Variants in GAK observed in about 807,000 individuals in gnomAD.
GAK encodes cyclin-G-associated kinase.
A neutral mutation model predicts 143.9 loss-of-function variants in GAK; 79 were observed. The ratio of observed to expected loss-of-function variants is 0.55; its 90% CI spans 0.46 to 0.66. GAK has a LOEUF of 0.66. Among genes scored for constraint, GAK ranks in the 30% least tolerant of loss-of-function variants. The pLI, the probability that GAK is intolerant of heterozygous loss-of-function variation, is 0.00. For missense variants in GAK, 1,693 were observed against 1,779.7 expected (o/e 0.95, Z 0.88); for synonymous variants, 881 against 765.5 (o/e 1.15, Z -2.49).
chr4:866,592 C>T (rs1333133113), intron 21 of GAK, 58 bp from the exon 22 acceptor site: 1 of 1,568,506 alleles, frequency 6.4e-7, no homozygotes, highest in Non-Finnish European at 8.7e-7. Flanking sequence ...GACAAAGGAG[C>T]CCAGCTCTGG....
intron 4 of GAK, among the ~76,000 whole-genome samples, chr4:905,382 T>C (rs1720870687): frequency 6.6e-6 from 1 of 152,196 alleles, no homozygotes; most frequent in African/African-American, 2.4e-5. Context: ...ATCATCACCG[T>C]GGAGCAATCA....
chr4:879,301 C>T (rs1184159128), intron 15 of GAK, among the ~76,000 whole-genome samples: 1 of 152,236 alleles, frequency 6.6e-6, no homozygotes, highest in Non-Finnish European at 1.5e-5. Flanking sequence ...ATGGCAATGC[C>T]TGTCTTTTAA....
intron 11 of GAK, chr4:884,427 G>A (rs1016748142): frequency 1.1e-4 from 30 of 284,592 alleles, no homozygotes; most frequent in Non-Finnish European, 1.5e-4. Context: ...TGGCAACACC[G>A]GTGGAAGGGG....
At chr4:903,285 C>T (rs1161455759) in intron 5 of GAK, among the ~76,000 whole-genome samples, 3 of 152,166 alleles carry the variant, frequency 2.0e-5, no homozygotes, top group Non-Finnish European at 2.9e-5. Context: ...CGGGATGCCA[C>T]GCCTCGGAGA....
At chr4:889,153 C>G (rs1056345519) in intron 10 of GAK, among the ~76,000 whole-genome samples, 183 bp from the exon 11 acceptor site, 11 of 152,006 alleles carry the variant, frequency 7.2e-5, no homozygotes, top group Non-Finnish European at 1.3e-4. Flanking sequence ...GGTGGTATGG[C>G]CAGGCCCCTG....
chr4:867,484 AGGGTCCCC>A, intron 20 of GAK, 52 bp from the exon 21 acceptor site: 1 of 1,391,008 alleles, frequency 7.2e-7, no homozygotes, highest in African/African-American at 1.5e-5. Flanking sequence ...GGCCAGCACC[AGGGTCCCC>A]ACGGCGCGTC....
At chr4:876,270 G>C (rs1189410584) in intron 18 of GAK, among the ~76,000 whole-genome samples, 1 of 149,506 alleles carries the variant, frequency 6.7e-6, no homozygotes, top group African/African-American at 2.5e-5. Flanking sequence ...CCGCTCACCT[G>C]CTTACGCCAC....
At chr4:882,061 T>C (rs1332841687) in intron 14 of GAK, 21 bp from the exon 15 acceptor site, 1 of 1,584,296 alleles carries the variant, frequency 6.3e-7, no homozygotes, top group Non-Finnish European at 8.6e-7. Flanking sequence ...CAGACACGTC[T>C]CGCGTGCGCC....
In GAK at chr4:910,934, C is replaced by T. The variant is rs1489006582; in HGVS notation, c.382+739G>A. 2.6e-5 allele frequency among the ~76,000 whole-genome samples: 4 copies of T among 152,160 alleles called. No homozygotes were observed. In the East Asian group the frequency reaches 7.7e-4, roughly 29 times the overall value. ...AGGCACAGGTCTTGTTTCCCCTTTG[C>T]AGACACAGCCTGAGGCTCAGCAGGG... is the stretch of plus-strand genomic sequence containing the variant. On this transcript the variant is annotated intron_variant, in intron 4 of 27. Coordinates refer to ENST00000314167, the MANE Select transcript of GAK (RefSeq NM_005255.4).
chr4:865,335 A>G (rs1235871055), intron 22 of GAK, 91 bp from the exon 23 acceptor site: 3 of 1,532,230 alleles, frequency 2.0e-6, no homozygotes, highest in Non-Finnish European at 2.7e-6. Context: ...GGGCCCTAGG[A>G]GCGGACACCT....
intron 10 of GAK, 34 bp downstream of exon 10, chr4:890,498 G>C: frequency 6.5e-7 from 1 of 1,527,444 alleles, no homozygotes; most frequent in East Asian, 2.4e-5. Context: ...GCAGGAGCGA[G>C]GGACAGGTGG....
chr4:902,596 C>CAAAAAAAAAAAAAAAAAAAAAA (rs768017849), intron 5 of GAK, among the ~76,000 whole-genome samples: 5 of 60,722 alleles, frequency 8.2e-5, no homozygotes, highest in African/African-American at 3.3e-4. Flanking sequence ...GTGACTGACT[C>CAAAAAAAAAAAAAAAAAAAAAA]AAAAAAAAAA....
rs775532786 is a variant in GAK at position 911,814 on chromosome 4, G to A, written c.268-27C>T. Reference sequence around the variant, plus strand: ...TGCAGTTGTCTTGTTAAAGGAGAACGTACATAACCATGTCCACAGTTCTGT... The same window carrying A: ...TGCAGTTGTCTTGTTAAAGGAGAACATACATAACCATGTCCACAGTTCTGT... On this transcript the variant is annotated intron_variant, in intron 3 of 27. Transcript: ENST00000314167. 2.5e-5 allele frequency: 38 copies of A among 1,531,716 alleles called. 1 individual carries two copies. Among genetic ancestry groups the A allele is most frequent in the South Asian group, 2.5e-4 (22 of 89,384 alleles). The allele number at this position is 1,531,716 out of a possible 1,614,324, so 94.9% of individuals were successfully genotyped here.
At chr4:882,186 T>C (rs920596632) in intron 14 of GAK, 146 bp from the exon 15 acceptor site, 50 of 919,828 alleles carry the variant, frequency 5.4e-5, no homozygotes, top group Non-Finnish European at 7.5e-5. Context: ...GGGAGCTACA[T>C]AACGTGCCTG....
chr4:883,071 G>A (rs1440482904), intron 13 of GAK, among the ~76,000 whole-genome samples: 2 of 152,208 alleles, frequency 1.3e-5, no homozygotes, highest in African/African-American at 2.4e-5. Context: ...CCTCGGCCTC[G>A]AGCACCCTCT....
chr4:884,186 C>T (rs558387009), intron 11 of GAK, 100 bp from the exon 12 acceptor site: 18 of 1,045,190 alleles, frequency 1.7e-5, no homozygotes, highest in Middle Eastern at 2.1e-4. Flanking sequence ...AGCCGTGGGG[C>T]TCTCACTGTA....
intron 23 of GAK, among the ~76,000 whole-genome samples, chr4:862,099 C>G (rs999795821): frequency 7.2e-6 from 1 of 138,274 alleles, no homozygotes; most frequent in Non-Finnish European, 1.6e-5. Context: ...TCCATGCAGA[C>G]GAGACGGCCT....
chr4:899,207 G>C (rs1268506789), intron 5 of GAK, among the ~76,000 whole-genome samples: 1 of 152,220 alleles, frequency 6.6e-6, no homozygotes, highest in East Asian at 1.9e-4. Context: ...CCAACATTTA[G>C]GCAAACCACA....
intron 24 of GAK, chr4:852,261 C>T: frequency 1.9e-6 from 1 of 524,830 alleles, no homozygotes; most frequent in Non-Finnish European, 3.4e-6. Flanking sequence ...CAAGGCAGAC[C>T]CAGGGCTTGT....
Sources: allele counts gnomAD v4.1 joint callset (sites outside exome capture counted in the v4.1 genomes callset), GRCh38; gene constraint gnomAD v4.1.1; transcripts MANE v1.5; gene names NCBI Gene and HGNC (gene_info 2026-07-23, HGNC 2026-07-21).